The following ARHGAP17 variants were observed in gnomAD, a reference collection of about 807,000 sequenced individuals.
The protein encoded by ARHGAP17 is Rho GTPase activating protein 17, also known as rho GTPase-activating protein 17.
In ARHGAP17, 57 loss-of-function variants were observed where a neutral mutation model predicts 99.5. The observed-to-expected ratio is 0.57, with a 90% CI of 0.46 to 0.71. ARHGAP17 has a LOEUF of 0.71. Among genes scored for constraint, ARHGAP17 ranks in the 30% least tolerant of loss-of-function variants. The probability of loss-of-function intolerance (pLI) is 0.00; values close to 1 mark genes in which losing one functional copy is unlikely to be tolerated. For missense variants in ARHGAP17, 1,000 were observed against 1,122.4 expected (o/e 0.89, Z 1.56); for synonymous variants, 417 against 429.6 (o/e 0.97, Z 0.36).
At chr16:24,923,727 TAAAA>T (rs1160793042) in intron 19 of ARHGAP17, among the ~76,000 whole-genome samples, 16 of 119,900 alleles carry the variant, frequency 1.3e-4, no homozygotes, top group African/African-American at 3.0e-4. Flanking sequence ...CTCTTTTTTT[TAAAA>T]AAAAAAAAAA....
At chr16:24,953,422 C>A (rs560725878) in intron 10 of ARHGAP17, among the ~76,000 whole-genome samples, 2 of 152,222 alleles carry the variant, frequency 1.3e-5, no homozygotes, top group South Asian at 4.2e-4. Context: ...GAAGGCAGGG[C>A]CTGGTGGGAG....
chr16:25,015,357 G>T lies in ARHGAP17; in HGVS notation c.-96C>A, dbSNP rs1238434019. ...ATCGCTTCCCGGCCCAAACGGCGGC[G>T]CGGCGGTGGCTCCCCGGGCCGGCGG... On this transcript the variant is annotated 5_prime_UTR_variant, in exon 1 of 20. Coordinates refer to ENST00000289968, the MANE Select transcript of ARHGAP17 (RefSeq NM_001006634.3). 3.5e-6 allele frequency: 4 copies of T among 1,129,044 alleles called. No individual in the cohort carries two copies. The African/African-American group carries it at 6.5e-5, about 18-fold the overall frequency. 69.9% of individuals were successfully genotyped at this position (1,129,044 alleles called of 1,614,324 possible).
At chr16:24,924,641 T>A (rs555636446) in intron 19 of ARHGAP17, among the ~76,000 whole-genome samples, 1 of 152,100 alleles carries the variant, frequency 6.6e-6, no homozygotes, top group Non-Finnish European at 1.5e-5. Context: ...GGCAGGCAGA[T>A]CACCTGAGGT....
chr16:24,931,285 T>C lies in ARHGAP17; in HGVS notation c.2014A>G (p.Thr672Ala). The C allele has an allele frequency of 6.6e-7, 1 of 1,524,434 alleles. No homozygotes were observed. Among genetic ancestry groups the C allele is most frequent in the Non-Finnish European group, 8.8e-7 (1 of 1,136,300 alleles). 94.4% of individuals were successfully genotyped at this position (1,524,434 alleles called of 1,614,324 possible). Residue 672 changes from threonine to alanine, a missense_variant, in exon 19 of 20, where the codon ACC (threonine) becomes GCC (alanine). By Grantham distance (58) the Thr-to-Ala change is moderately conservative (BLOSUM62 0). Transcript: ENST00000289968. ...HPPSLSPKPP[T>A]RSPSPPTQHT... ...TGGGTGGGAGGAGAGGGGCTTCGGGTGGGTGGCTTTGGTGACAGACTGGGT... is the reference window on the plus strand; with the variant it reads ...TGGGTGGGAGGAGAGGGGCTTCGGGCGGGTGGCTTTGGTGACAGACTGGGT...
intron 1 of ARHGAP17, among the ~76,000 whole-genome samples, chr16:24,997,257 C>A (rs1251788436): frequency 4.6e-5 from 7 of 151,744 alleles, no homozygotes; most frequent in African/African-American, 1.7e-4. Context: ...TGGACTGGTG[C>A]AAGGCGCCCA....
At chr16:24,991,299 T>C (rs1489641003) in intron 1 of ARHGAP17, among the ~76,000 whole-genome samples, 1 of 152,228 alleles carries the variant, frequency 6.6e-6, no homozygotes, top group Admixed American at 6.5e-5. Context: ...TGTACTTCAT[T>C]TAACGTGTTT....
chr16:25,004,513 T>C (rs762950412), intron 1 of ARHGAP17, among the ~76,000 whole-genome samples: 14 of 152,262 alleles, frequency 9.2e-5, no homozygotes, highest in Non-Finnish European at 1.3e-4. Flanking sequence ...TCCAAGCTGC[T>C]TGATTTATAC....
Position 24,920,087 on chromosome 16 carries a change from C to T in ARHGAP17, c.*43G>A, listed in dbSNP as rs767325520. On this transcript the variant is annotated 3_prime_UTR_variant, in exon 20 of 20. Transcript: ENST00000289968. ...AAGAGGTTCGCCTGCCCCTGCTCCA[C>T]TCGCCAGGGTGGAAGTGGTGGAGGG... is the stretch of plus-strand genomic sequence containing the variant. 77 of 1,603,610 alleles carry T rather than the reference C, an allele frequency of 4.8e-5. No individual in the cohort carries two copies. The highest frequency in any genetic ancestry group is 6.1e-5 in the Non-Finnish European group (72 of 1,172,920).
At chr16:24,978,085 T>C (rs1427561677) in intron 2 of ARHGAP17, among the ~76,000 whole-genome samples, 1 of 152,082 alleles carries the variant, frequency 6.6e-6, no homozygotes, top group Non-Finnish European at 1.5e-5. Flanking sequence ...CAATGGGAGA[T>C]TTAGGAGCAG....
chr16:24,941,464 C>T (rs1197319378), intron 16 of ARHGAP17, among the ~76,000 whole-genome samples: 1 of 152,088 alleles, frequency 6.6e-6, no homozygotes, highest in Non-Finnish European at 1.5e-5. Context: ...TTCAACACTG[C>T]CATTTTTTTT....
At chr16:24,950,836 C>CAAAAAAAAAAAAAAAAAAAAAAAAA (rs1177614713) in intron 12 of ARHGAP17, among the ~76,000 whole-genome samples, 22 of 39,416 alleles carry the variant, frequency 5.6e-4, no homozygotes, top group African/African-American at 1.8e-3. Context: ...GACTCCAACT[C>CAAAAAAAAAAAAAAAAAAAAAAAAA]AAAAAAAAAA....
chr16:24,964,272 A>G lies in ARHGAP17; in HGVS notation c.498T>C (p.Phe166=), dbSNP rs1387582264. 1.9e-6 allele frequency: 3 copies of G among 1,613,862 alleles called. No homozygotes were observed. The highest frequency in any genetic ancestry group is 2.5e-6 in the Non-Finnish European group (3 of 1,179,950). The change falls in exon 7 of 20, where the codon TTT becomes TTC. Residue 166 remains phenylalanine (F), a synonymous_variant. Coordinates refer to ENST00000289968, the MANE Select transcript of ARHGAP17 (RefSeq NM_001006634.3). Reference sequence around the variant, plus strand: ...TATCTATTTTTGATGGAAGCCCCTGAAAGTTGGTTCCTGAGGATTTGTGAG... The same window carrying G: ...TATCTATTTTTGATGGAAGCCCCTGGAAGTTGGTTCCTGAGGATTTGTGAG... ...NQAHKSSGTN[F]QGLPSKIDTL...
intron 9 of ARHGAP17, among the ~76,000 whole-genome samples, chr16:24,959,030 T>C (rs912771397): frequency 1.3e-5 from 2 of 150,066 alleles, no homozygotes; most frequent in African/African-American, 4.9e-5. Flanking sequence ...AAAGCAGCTT[T>C]AGATGCCCAA....
chr16:24,983,006 T>A (rs1444071342), intron 1 of ARHGAP17, among the ~76,000 whole-genome samples: 1,933 of 44,582 alleles, frequency 0.043, 54 homozygotes, highest in Non-Finnish European at 0.063. Flanking sequence ...ATTTTTTTTT[T>A]TTTTTTTTTT....
rs143619041 is a variant in ARHGAP17 at position 25,003,602 on chromosome 16, T to C, written c.53+11607A>G. On this transcript the variant is annotated intron_variant, in intron 1 of 19. Coordinates refer to ENST00000289968, the MANE Select transcript of ARHGAP17 (RefSeq NM_001006634.3). The stretch of plus-strand genomic sequence containing the variant: ...ACTTTGGGAGGCCGAGGAGGGCTGA[T>C]TGCTTGAGGCCAGGAGTTCCAGATC... 3.7e-3 allele frequency among the ~76,000 whole-genome samples: 565 copies of C among 152,176 alleles called. 2 individuals carry two copies. The highest frequency in any genetic ancestry group is 0.013 in the African/African-American group (522 of 41,516).
In ARHGAP17 at chr16:24,954,272, G is replaced by A. The variant is rs117748912; in HGVS notation, c.852+331C>T. ...GCTCCTTAGCCCATTAGTGCGTCAC[G>A]AAATCTATTGTCACAAATCACAACC... On this transcript the variant is annotated intron_variant, in intron 10 of 19. Coordinates refer to ENST00000289968, the MANE Select transcript of ARHGAP17 (RefSeq NM_001006634.3). Among the ~76,000 whole-genome samples the A allele has an allele frequency of 3.9e-3, 598 of 152,258 alleles. 3 individuals carry two copies. Among genetic ancestry groups the A allele is most frequent in the Non-Finnish European group, 6.3e-3 (431 of 68,008 alleles).
intron 1 of ARHGAP17, among the ~76,000 whole-genome samples, chr16:25,005,771 A>T (rs2053488836): frequency 6.6e-6 from 1 of 152,274 alleles, no homozygotes; most frequent in African/African-American, 2.4e-5. Flanking sequence ...AGTGGAAAAA[A>T]TTTAAATAGA....
intron 1 of ARHGAP17, among the ~76,000 whole-genome samples, chr16:24,980,037 A>G (rs559137300): frequency 6.6e-6 from 1 of 152,308 alleles, no homozygotes; most frequent in Admixed American, 6.5e-5. Context: ...AAGAGAAAGA[A>G]AAAGTATGTT....
rs141743705 is a variant in ARHGAP17 at position 24,965,387 on chromosome 16, G to A, written c.462-1079C>T. ...TGGGAGGCTGAGGCAGGAGAATGGC[G>A]TGAACCTGGGAGGCAGAGCTTGCAG... On this transcript the variant is annotated intron_variant, in intron 6 of 19. Coordinates refer to ENST00000289968, the MANE Select transcript of ARHGAP17 (RefSeq NM_001006634.3). Among the ~76,000 whole-genome samples the A allele has an allele frequency of 7.9e-3, 1,208 of 152,220 alleles. 10 individuals are homozygous for A. The highest frequency in any genetic ancestry group is 0.027 in the African/African-American group (1,141 of 41,560).
Sources: allele counts gnomAD v4.1 joint callset (sites outside exome capture counted in the v4.1 genomes callset), GRCh38; gene constraint gnomAD v4.1.1; transcripts MANE v1.5; gene names NCBI Gene and HGNC (gene_info 2026-07-23, HGNC 2026-07-21).